Variants in KCTD8 observed in about 807,000 individuals in gnomAD.
KCTD8 encodes BTB/POZ domain-containing protein KCTD8.
A neutral mutation model predicts 31.5 loss-of-function variants in KCTD8; 27 were observed. That is an observed-to-expected ratio of 0.86 (90% confidence interval 0.63 to 1.18). The LOEUF is 1.18. Among genes scored for constraint, KCTD8 ranks in the 50% most tolerant of loss-of-function variants. The pLI is 0.00. For synonymous variants in KCTD8, 290 were observed against 280.0 expected (o/e 1.04, Z -0.36); for missense variants, 658 against 647.7 (o/e 1.02, Z -0.17).
chr4:44,252,351 AC>A (rs1446992883), intron 1 of KCTD8, among the ~76,000 whole-genome samples: 1 of 151,678 alleles, frequency 6.6e-6, no homozygotes, highest in Non-Finnish European at 1.5e-5. Context: ...TCATATAATG[AC>A]TTCTTTTCCT....
chr4:44,249,312 AG>A (rs750537469), intron 1 of KCTD8, among the ~76,000 whole-genome samples: 6 of 151,854 alleles, frequency 4.0e-5, no homozygotes, highest in Non-Finnish European at 7.4e-5. Flanking sequence ...ATTATTAACA[AG>A]GCCTTTGAAT....
chr4:44,442,262 C>T (rs1412706470), intron 1 of KCTD8, among the ~76,000 whole-genome samples: 1 of 151,902 alleles, frequency 6.6e-6, no homozygotes. Context: ...GTAATGAGAA[C>T]ATTTAAAGAT....
intron 1 of KCTD8, among the ~76,000 whole-genome samples, chr4:44,312,700 T>C (rs554654631): frequency 4.1e-4 from 62 of 152,296 alleles, no homozygotes; most frequent in Admixed American, 1.8e-3. Flanking sequence ...ATAAATATTA[T>C]GTTTTTATAC....
intron 1 of KCTD8, among the ~76,000 whole-genome samples, chr4:44,385,464 T>A (rs544477781): frequency 6.6e-6 from 1 of 151,836 alleles, no homozygotes; most frequent in East Asian, 1.9e-4. Context: ...GCAAAGTGTT[T>A]TCAACAAATA....
chr4:44,409,643 A>G (rs762502686), intron 1 of KCTD8, among the ~76,000 whole-genome samples: 1 of 152,192 alleles, frequency 6.6e-6, no homozygotes, highest in Non-Finnish European at 1.5e-5. Context: ...CAAATTGACA[A>G]AGGTCACTGA....
chr4:44,231,699 C>CA (rs1715122115), intron 1 of KCTD8, among the ~76,000 whole-genome samples: 1 of 152,094 alleles, frequency 6.6e-6, no homozygotes, highest in Admixed American at 6.6e-5. Flanking sequence ...AGGCATACTA[C>CA]AAAAAATTAA....
Position 44,182,011 on chromosome 4 carries a change from G to A in KCTD8, c.962-6761C>T, listed in dbSNP as rs535328284. On this transcript the variant is annotated intron_variant, in intron 1 of 1. Coordinates refer to ENST00000360029, the MANE Select transcript of KCTD8 (RefSeq NM_198353.3). ...CATCTGAGAAGTGAGGAGCCCCTCC[G>A]CCTGGCAGCTGCCCTGTCTGAGAAG... 5.0e-3 allele frequency among the ~76,000 whole-genome samples: 756 copies of A among 150,966 alleles called. 6 individuals carry two copies. Among genetic ancestry groups the A allele is most frequent in the African/African-American group, 0.017 (712 of 40,978 alleles).
chr4:44,353,283 C>T (rs2109425820), intron 1 of KCTD8, among the ~76,000 whole-genome samples: 1 of 152,120 alleles, frequency 6.6e-6, no homozygotes, highest in East Asian at 1.9e-4. Flanking sequence ...TTGTGTGTAT[C>T]AGTTCATTTA....
intron 1 of KCTD8, among the ~76,000 whole-genome samples, chr4:44,301,745 G>A (rs531078008): frequency 6.6e-6 from 1 of 152,068 alleles, no homozygotes; most frequent in African/African-American, 2.4e-5. Context: ...GTCAATTTTG[G>A]CTTTTGTTGC....
chr4:44,244,851 G>GC (rs1244600948), intron 1 of KCTD8, among the ~76,000 whole-genome samples: 1 of 144,254 alleles, frequency 6.9e-6, no homozygotes, highest in South Asian at 2.1e-4. Flanking sequence ...TAGTTGTGGG[G>GC]GGGGGGGGGT....
intron 1 of KCTD8, among the ~76,000 whole-genome samples, chr4:44,417,320 A>G (rs1347796525): frequency 6.6e-6 from 1 of 152,198 alleles, no homozygotes; most frequent in East Asian, 1.9e-4. Context: ...TTAGAAAAAA[A>G]GCTTATTAAA....
chr4:44,223,886 AC>A (rs927698689), intron 1 of KCTD8, among the ~76,000 whole-genome samples: 211 of 152,344 alleles, frequency 1.4e-3, no homozygotes, highest in African/African-American at 5.0e-3. Context: ...CTTTCATACT[AC>A]AAAGGCAGAG....
intron 1 of KCTD8, among the ~76,000 whole-genome samples, chr4:44,270,399 G>C (rs1282328955): frequency 9.0e-6 from 1 of 111,404 alleles, no homozygotes; most frequent in African/African-American, 3.4e-5. Context: ...TGTGGGGTGG[G>C]GGGAGGGAGG....
intron 1 of KCTD8, among the ~76,000 whole-genome samples, chr4:44,404,699 A>T (rs1053158178): frequency 1.3e-5 from 2 of 152,178 alleles, no homozygotes; most frequent in African/African-American, 4.8e-5. Flanking sequence ...CAGAAAAATT[A>T]GGTGTTTAAT....
In KCTD8 at chr4:44,448,296, G is replaced by C; in HGVS notation, c.228C>G (p.Pro76=). The C allele has an allele frequency of 6.2e-7, 1 of 1,607,558 alleles. No individual in the cohort carries two copies. The highest frequency in any genetic ancestry group is 8.5e-7 in the Non-Finnish European group (1 of 1,177,852). The part of the protein sequence containing the change: ...PDSTLASMFS[P]SSPRGGARRR... ...GCCGGGCGCCGCCACGGGGACTAGA[G>C]GGCGAGAACATGCTGGCCAAAGTAC... is the stretch of plus-strand genomic sequence containing the variant. Residue 76 remains proline, a synonymous_variant, in exon 1 of 2, where the codon CCC becomes CCG. Coordinates refer to ENST00000360029, the MANE Select transcript of KCTD8 (RefSeq NM_198353.3). This position sits in a 1 kb window ranked among gnomAD's most constrained non-coding sequence, Gnocchi z 4.1.
rs998240624 is a variant in KCTD8, at chr4:44,448,376, C to T, written c.148G>A (p.Val50Ile). The T allele has an allele frequency of 5.0e-6, 8 of 1,590,860 alleles. No individual in the cohort carries two copies. The highest frequency in any genetic ancestry group is 6.8e-6 in the Non-Finnish European group (8 of 1,169,992). Residue 50 changes from valine to isoleucine, a missense_variant, in exon 1 of 2, where the codon GTA becomes ATA. Physicochemically the swap from Val to Ile is conservative, Grantham distance 29. Coordinates refer to ENST00000360029, the MANE Select transcript of KCTD8 (RefSeq NM_198353.3). This position sits in a 1 kb window ranked among gnomAD's most constrained non-coding sequence, Gnocchi z 4.1. ...SPFPEVVELNVGGQVYVTKHS... is the reference protein window; with the variant it reads ...SPFPEVVELNIGGQVYVTKHS... ...TTGGTCACATAAACCTGGCCGCCTA[C>T]GTTCAGCTCCACTACTTCAGGGAAG...
At chr4:44,337,723 T>G (rs966337786) in intron 1 of KCTD8, among the ~76,000 whole-genome samples, 12 of 151,016 alleles carry the variant, frequency 7.9e-5, no homozygotes, top group Non-Finnish European at 1.8e-4. Context: ...AGTCATTAAT[T>G]GATGCTTCAT....
intron 1 of KCTD8, among the ~76,000 whole-genome samples, chr4:44,405,453 T>G (rs1317351113): frequency 6.6e-6 from 1 of 152,046 alleles, no homozygotes; most frequent in African/African-American, 2.4e-5. Context: ...GAGACAGGAT[T>G]TCACCATGTT....
chr4:44,425,893 T>C (rs1040376450), intron 1 of KCTD8, among the ~76,000 whole-genome samples: 1 of 151,864 alleles, frequency 6.6e-6, no homozygotes, highest in African/African-American at 2.4e-5. Context: ...CTCCTGGACA[T>C]TGTCTTGCAA....
Sources: gnomAD v4.1 joint callset for allele counts (sites outside exome capture counted in the v4.1 genomes callset) on GRCh38, gnomAD v4.1.1 for gene constraint, Gnocchi (gnomAD v3.1) non-coding constraint, MANE v1.5 for transcripts, NCBI Gene and HGNC (gene_info 2026-07-23, HGNC 2026-07-21) for gene names.